Variants in SARAF observed in about 807,000 individuals in gnomAD.
The protein encoded by SARAF is store-operated calcium entry-associated regulatory factor.
SARAF carries 23 observed loss-of-function variants against 39.7 expected under a neutral mutation model. The ratio of observed to expected loss-of-function variants is 0.58; its 90% CI spans 0.42 to 0.82. The LOEUF (loss-of-function observed/expected upper bound fraction) is 0.82. SARAF is among the 40% of genes least tolerant of loss of function. SARAF has a pLI of 0.00. For synonymous variants in SARAF, 175 were observed against 168.5 expected (o/e 1.04, Z -0.30); for missense variants, 384 against 418.5 (o/e 0.92, Z 0.72).
chr8:30,078,349 A>T (rs149386286), intron 1 of SARAF: 8 of 414,428 alleles, frequency 1.9e-5, no homozygotes, highest in African/African-American at 1.7e-4. Context: ...TGTCATACTG[A>T]AAGGGCCCAA....
At chr8:30,078,702 T>C (rs1415677067) in intron 1 of SARAF, among the ~76,000 whole-genome samples, 1 of 152,180 alleles carries the variant, frequency 6.6e-6, no homozygotes, top group East Asian at 1.9e-4. Flanking sequence ...GTCAATACCC[T>C]ATCTATATAA....
rs759493631 is a variant in SARAF, at chr8:30,069,949, G to C, written c.393C>G (p.Gly131=). 20 of 1,613,738 alleles carry C rather than the reference G, an allele frequency of 1.2e-5. No homozygotes were observed. The highest frequency in any genetic ancestry group is 8.8e-5 in the South Asian group (8 of 91,084). Residue 131 remains glycine, a synonymous_variant, in exon 3 of 6, where the codon GGC becomes GGG. Transcript: ENST00000256255. ...CTGTATAATCTAAATTATACTCCAA[G>C]CCACAAGAACCTCTTAGTACATACT... ...EDQYVLRGSC[G]LEYNLDYTEL...
intron 5 of SARAF, 55 bp downstream of exon 5, chr8:30,065,933 A>C: frequency 6.3e-7 from 1 of 1,578,982 alleles, no homozygotes; most frequent in Non-Finnish European, 8.6e-7. Flanking sequence ...AAAGTTCCCA[A>C]ACTATTTCTG....
intron 2 of SARAF, among the ~76,000 whole-genome samples, chr8:30,073,231 TAA>T (rs1801885079): frequency 6.6e-6 from 1 of 152,238 alleles, no homozygotes; most frequent in Non-Finnish European, 1.5e-5. Context: ...CCAGTCGTCT[TAA>T]ATCAATTTTG....
intron 1 of SARAF, among the ~76,000 whole-genome samples, chr8:30,081,195 A>G (rs1802090409): frequency 6.6e-6 from 1 of 152,260 alleles, no homozygotes; most frequent in Non-Finnish European, 1.5e-5. Context: ...TAGAATTTAC[A>G]TAAAACAATT....
chr8:30,073,504 G>A (rs948303373), intron 2 of SARAF, among the ~76,000 whole-genome samples: 14 of 152,134 alleles, frequency 9.2e-5, no homozygotes, highest in African/African-American at 1.2e-4. Context: ...TACTATTTAC[G>A]ATCTATAATT....
chr8:30,067,854 A>C (rs1370219852), intron 3 of SARAF, among the ~76,000 whole-genome samples: 2 of 152,146 alleles, frequency 1.3e-5, no homozygotes, highest in Non-Finnish European at 2.9e-5. Context: ...TGCACCATGC[A>C]TTCACTTCTC....
chr8:30,082,410 G>A (rs1263122730), intron 1 of SARAF: 1 of 158,364 alleles, frequency 6.3e-6, no homozygotes, highest in East Asian at 1.8e-4. Context: ...GTCCGCTAAG[G>A]GTGACTCAGA....
At chr8:30,078,200 A>G in intron 1 of SARAF, 1 of 408,938 alleles carries the variant, frequency 2.4e-6, no homozygotes, top group Non-Finnish European at 4.7e-6. Context: ...AAAAAGAAAG[A>G]AAGAAAATTA....
At chr8:30,064,719 C>T (rs1801644361) in intron 5 of SARAF, among the ~76,000 whole-genome samples, 1 of 151,456 alleles carries the variant, frequency 6.6e-6, no homozygotes, top group Non-Finnish European at 1.5e-5. Context: ...TGTGCCACTA[C>T]ACCCAGCTAA....
intron 3 of SARAF, among the ~76,000 whole-genome samples, chr8:30,069,134 A>AT (rs36096551): frequency 0.8 from 77,893 of 97,518 alleles, 32,099 homozygotes; most frequent in South Asian, 0.9. Context: ...TTAATCAGGC[A>AT]TTTTTTTTTT....
At chr8:30,065,934 ACTATTTCTGTACTTTACTC>A in intron 5 of SARAF, 35 bp downstream of exon 5, 1 of 1,607,000 alleles carries the variant, frequency 6.2e-7, no homozygotes, top group Non-Finnish European at 8.5e-7. Context: ...AAGTTCCCAA[ACTATTTCTGTACTTTACTC>A]CTAGGTAAAA....
chr8:30,066,697 C>T (rs1801700154), intron 4 of SARAF, 80 bp downstream of exon 4: 2 of 1,536,790 alleles, frequency 1.3e-6, no homozygotes, highest in Non-Finnish European at 1.8e-6. Flanking sequence ...TTTTCCTTAG[C>T]AAAACTAAAT....
intron 2 of SARAF, among the ~76,000 whole-genome samples, chr8:30,071,742 G>A (rs1801850531): frequency 6.6e-6 from 1 of 152,116 alleles, no homozygotes; most frequent in Non-Finnish European, 1.5e-5. Flanking sequence ...CTTTCACTTA[G>A]CATAACATTT....
chr8:30,079,995 T>C (rs192106488), intron 1 of SARAF, among the ~76,000 whole-genome samples: 2 of 152,278 alleles, frequency 1.3e-5, no homozygotes, highest in Admixed American at 1.3e-4. Context: ...CAAACTCCCC[T>C]AAACCTGATC....
rs754106182 is a variant in SARAF at position 30,066,093 on chromosome 8, G to C, written c.889C>G (p.Pro297Ala). The change falls in exon 5 of 6, where the codon CCC becomes GCC. Residue 297 changes from proline to alanine, a missense_variant. Coordinates refer to ENST00000256255, the MANE Select transcript of SARAF (RefSeq NM_016127.6). ...SDSWYYPSYPPSYPGTWNRAY... is the reference protein window; with the variant it reads ...SDSWYYPSYPASYPGTWNRAY... ...CTATTCCACGTGCCAGGGTAGGAGG[G>C]AGGATAGGACGGGTAGTACCACGAG... The C allele has an allele frequency of 6.2e-7, 1 of 1,614,198 alleles. No individual in the cohort carries two copies. Among genetic ancestry groups the C allele is most frequent in the Admixed American group, 1.7e-5 (1 of 60,032 alleles).
chr8:30,065,999 C>A lies in SARAF; in HGVS notation c.983G>T (p.Arg328Ile), dbSNP rs766763645. The change falls in exon 5 of 6, where the codon AGA becomes ATA. Residue 328 changes from arginine (R) to isoleucine (I), a missense_variant. Transcript: ENST00000256255. ...SVCSNSDTKT[R>I]TASGYGGTRR... The stretch of plus-strand genomic sequence containing the variant: ...TTTTTTGCTCTTACCTGATGCAGTT[C>A]TGGTTTTCGTGTCTGAGTTTGAACA... 6.2e-7 allele frequency: 1 copy of A among 1,614,108 alleles called. No homozygotes were observed. The highest frequency in any genetic ancestry group is 1.3e-5 in the African/African-American group (1 of 75,048).
In SARAF at chr8:30,082,896, C is replaced by T. The variant is rs1563359285; in HGVS notation, c.54G>A (p.Leu18=). 1 of 1,563,558 alleles carries T rather than the reference C, an allele frequency of 6.4e-7. No homozygotes were observed. Among genetic ancestry groups the T allele is most frequent in the Non-Finnish European group, 8.7e-7 (1 of 1,155,806 alleles). The change falls in exon 1 of 6, where the codon TTG becomes TTA. Residue 18 remains leucine, a synonymous_variant. Transcript: ENST00000256255. ...GGCCCGCGGTCAGCAGAAACAAATG[C>T]AAGCCGAGGAGCAAGCAGTACCCGG... ...GAAGYCLLLG[L]HLFLLTAGPA...
intron 1 of SARAF, among the ~76,000 whole-genome samples, chr8:30,081,843 A>AT (rs1440056234): frequency 2.8e-4 from 42 of 152,128 alleles, no homozygotes. Context: ...ATTGCACGGA[A>AT]TATTACTGAT....
Sources: allele counts gnomAD v4.1 joint callset (sites outside exome capture counted in the v4.1 genomes callset), GRCh38; gene constraint gnomAD v4.1.1; transcripts MANE v1.5; gene names NCBI Gene and HGNC (gene_info 2026-07-23, HGNC 2026-07-21).